Variants in SLC14A2 observed in about 807,000 individuals in gnomAD.
The protein encoded by SLC14A2 is solute carrier family 14 member 2, also known as urea transporter 2.
SLC14A2 carries 91 observed loss-of-function variants against 104.6 expected under a neutral mutation model. That is an observed-to-expected ratio of 0.87 (90% CI 0.73 to 1.04). The LOEUF is 1.04. Among genes scored for constraint, SLC14A2 ranks in the 50% least tolerant of loss-of-function variants. The pLI, the probability that SLC14A2 is intolerant of heterozygous loss-of-function variation, is 0.00. For synonymous variants in SLC14A2, 476 were observed against 466.4 expected (o/e 1.02, Z -0.27); for missense variants, 1,189 against 1,156.0 (o/e 1.03, Z -0.41).
chr18:45,400,432 T>C (rs985054498), intron 1 of SLC14A2, among the ~76,000 whole-genome samples: 1 of 152,214 alleles, frequency 6.6e-6, no homozygotes, highest in South Asian at 2.1e-4. Flanking sequence ...GCTGTGTTCT[T>C]CTCATTGGTA....
chr18:45,231,976 T>C (rs767824369), intron 1 of SLC14A2, among the ~76,000 whole-genome samples: 1 of 152,094 alleles, frequency 6.6e-6, no homozygotes. Flanking sequence ...GCTGGAAGAC[T>C]TTCATATGAT....
chr18:45,455,788 C>T (rs977174127), intron 1 of SLC14A2, among the ~76,000 whole-genome samples: 1 of 152,074 alleles, frequency 6.6e-6, no homozygotes, highest in African/African-American at 2.4e-5. Flanking sequence ...GGGCAGCAAT[C>T]CTATAAACAG....
intron 2 of SLC14A2, among the ~76,000 whole-genome samples, chr18:45,495,426 T>A (rs1045049656): frequency 1.8e-4 from 27 of 152,232 alleles, no homozygotes; most frequent in Admixed American, 5.2e-4. Flanking sequence ...TAAACTTCAC[T>A]TGACTGGTCC....
chr18:45,425,249 G>A (rs1323540278), intron 1 of SLC14A2, among the ~76,000 whole-genome samples: 1 of 152,160 alleles, frequency 6.6e-6, no homozygotes, highest in Non-Finnish European at 1.5e-5. Flanking sequence ...TTTTAAGATG[G>A]CCTTCCAACC....
intron 2 of SLC14A2, among the ~76,000 whole-genome samples, chr18:45,577,316 G>C (rs551711054): frequency 3.3e-5 from 5 of 150,270 alleles, no homozygotes; most frequent in African/African-American, 1.3e-4. Flanking sequence ...GATAGCTCCA[G>C]GAAGGAGCTA....
intron 2 of SLC14A2, among the ~76,000 whole-genome samples, chr18:45,517,343 G>T (rs1173110182): frequency 6.6e-6 from 1 of 152,108 alleles, no homozygotes; most frequent in Non-Finnish European, 1.5e-5. Flanking sequence ...CTGCACAAAG[G>T]GCAGACCCTC....
rs1369483520 is a variant in SLC14A2 at position 45,667,085 on chromosome 18, G to A, written c.1708G>A (p.Gly570Arg). The A allele has an allele frequency of 1.2e-6, 2 of 1,613,002 alleles. No homozygotes were observed. Among genetic ancestry groups the A allele is most frequent in the East Asian group, 4.5e-5 (2 of 44,866 alleles). Residue 570 changes from glycine to arginine, a missense_variant, in exon 13 of 20, where the codon GGA becomes AGA. Physicochemically the swap from Gly to Arg is moderately radical, Grantham distance 125 (BLOSUM62 -2). Transcript: ENST00000255226. ...ITGEMKECGE[G>R]LKDKSPVFQF... ...AGGAGAGATGAAGGAGTGTGGAGAG[G>A]GACTTAAAGGTAAAATTCTATGAGA...
chr18:45,663,893 G>A lies in SLC14A2; in HGVS notation c.1460G>A (p.Arg487Gln), dbSNP rs770264160. Reference sequence around the variant, plus strand: ...TTTCACATCGAGTGGTCATCCATTCGGAGGAGGAGCAAAGGTGTGCATGTC... The same window carrying A: ...TTTCACATCGAGTGGTCATCCATTCAGAGGAGGAGCAAAGGTGTGCATGTC... ...SVFHIEWSSI[R>Q]RRSKVFGKGE... is the part of the protein sequence containing the mutation. The change falls in exon 11 of 20, where the codon CGG (arginine) becomes CAG (glutamine). Residue 487 changes from arginine (R) to glutamine (Q), a missense_variant. By Grantham distance (43) the Arg-to-Gln change is conservative. Transcript: ENST00000255226. The A allele has an allele frequency of 1.9e-5, 30 of 1,612,588 alleles. No individual in the cohort carries two copies. Among genetic ancestry groups the A allele is most frequent in the Admixed American group, 3.3e-5 (2 of 59,902 alleles).
At chr18:45,547,655 C>T (rs1233415643) in intron 2 of SLC14A2, among the ~76,000 whole-genome samples, 1 of 152,178 alleles carries the variant, frequency 6.6e-6, no homozygotes, top group Non-Finnish European at 1.5e-5. Flanking sequence ...GTCTCCTTGA[C>T]CCTTGGTCTG....
At chr18:45,334,730 T>G (rs116358286) in intron 1 of SLC14A2, among the ~76,000 whole-genome samples, 33 of 152,292 alleles carry the variant, frequency 2.2e-4, no homozygotes, top group African/African-American at 7.9e-4. Context: ...GAGGAGTAAA[T>G]GAGTCAGTAG....
intron 1 of SLC14A2, among the ~76,000 whole-genome samples, chr18:45,292,851 A>C (rs754187275): frequency 6.6e-6 from 1 of 152,194 alleles, no homozygotes; most frequent in Non-Finnish European, 1.5e-5. Context: ...ACTCATTTTT[A>C]ATCAATATTC....
chr18:45,285,117 T>C (rs745978891), intron 1 of SLC14A2, among the ~76,000 whole-genome samples: 22 of 152,292 alleles, frequency 1.4e-4, no homozygotes, highest in Non-Finnish European at 2.8e-4. Context: ...TATGTAACTA[T>C]TGTTCCTCAG....
chr18:45,378,555 A>G (rs982586567), intron 1 of SLC14A2, among the ~76,000 whole-genome samples: 28 of 152,184 alleles, frequency 1.8e-4, no homozygotes, highest in Non-Finnish European at 1.2e-4. Context: ...ATTCTAATTT[A>G]TTCTTTCATA....
intron 1 of SLC14A2, among the ~76,000 whole-genome samples, chr18:45,271,000 G>A (rs1652191120): frequency 6.6e-6 from 1 of 152,138 alleles, no homozygotes; most frequent in Non-Finnish European, 1.5e-5. Flanking sequence ...AATATAGCAG[G>A]AAAATGCCTT....
intron 2 of SLC14A2, among the ~76,000 whole-genome samples, chr18:45,570,126 G>A (rs577292080): frequency 3.9e-5 from 6 of 152,274 alleles, no homozygotes; most frequent in African/African-American, 1.4e-4. Flanking sequence ...AGCAATGTGG[G>A]CTCGTATGTG....
Position 45,318,401 on chromosome 18 carries a change from G to A in SLC14A2, c.-125+105210G>A, listed in dbSNP as rs77238219. Among the ~76,000 whole-genome samples the A allele has an allele frequency of 1.4e-3, 215 of 152,300 alleles. 1 individual carries two copies. The highest frequency in any genetic ancestry group is 1.7e-3 in the Non-Finnish European group (119 of 68,018). On this transcript the variant is annotated intron_variant, in intron 1 of 20. Coordinates refer to the SLC14A2 transcript ENST00000586448. ...GAACAAGCTTCTGCTGAGAGGAAGG[G>A]CCACAGGCTCAGGGCAGCTGACAAC...
At chr18:45,383,380 C>A (rs1456034366) in intron 1 of SLC14A2, among the ~76,000 whole-genome samples, 2 of 152,156 alleles carry the variant, frequency 1.3e-5, no homozygotes, top group Non-Finnish European at 2.9e-5. Flanking sequence ...TAAGGCATTT[C>A]AGAATTCCAC....
rs1274829442 is a variant in SLC14A2 at position 45,482,864 on chromosome 18, CCA to C, written c.-124-366_-124-365del. ...AGGGAATCATCTTAGAATGTGTCCA[CCA>C]CAGAGTTGAAGTTTATTTACTGGCA... On this transcript the variant is annotated intron_variant, in intron 1 of 20. Coordinates refer to the SLC14A2 transcript ENST00000586448. 2.0e-5 allele frequency among the ~76,000 whole-genome samples: 3 copies of C among 152,110 alleles called. No homozygotes were observed. The East Asian group carries it at 5.8e-4, about 29-fold the overall frequency.
chr18:45,312,582 A>C (rs1226446356), intron 1 of SLC14A2, among the ~76,000 whole-genome samples: 2 of 152,178 alleles, frequency 1.3e-5, no homozygotes, highest in African/African-American at 4.8e-5. Context: ...TGGATCAGAA[A>C]AAATTATTGC....
Sources: allele counts gnomAD v4.1 joint callset (sites outside exome capture counted in the v4.1 genomes callset), GRCh38; gene constraint gnomAD v4.1.1; transcripts MANE v1.5; gene names NCBI Gene and HGNC (gene_info 2026-07-23, HGNC 2026-07-21).